WNK3: variants seen among roughly 807,000 people sequenced by gnomAD.
WNK3 encodes serine/threonine-protein kinase WNK3.
A neutral mutation model predicts 116.7 loss-of-function variants in WNK3; 18 were observed. The ratio of observed to expected loss-of-function variants is 0.15; its 90% CI spans 0.11 to 0.23. The LOEUF (loss-of-function observed/expected upper bound fraction) is 0.23, where lower values mean the gene tolerates loss of function less well. Ranked by LOEUF, WNK3 falls within the 10% of genes least tolerant of loss-of-function variation. WNK3 has a pLI of 1.00. For synonymous variants in WNK3, 404 were observed against 469.4 expected (o/e 0.86, Z 1.80); for missense variants, 993 against 1,323.8 (o/e 0.75, Z 3.88).
At position 54,292,534 on chromosome X, in the gene WNK3, G is replaced by A. The variant is rs782411629; in HGVS notation, c.2037+354C>T. On this transcript the variant is annotated intron_variant, in intron 10 of 23. Transcript: ENST00000354646. Reference sequence around the variant, plus strand: ...AACCTGACCAACATGGAGAAACCCCGTTTCTACTAAAAATACAAAAAATTA... The same window carrying A: ...AACCTGACCAACATGGAGAAACCCCATTTCTACTAAAAATACAAAAAATTA... Among the ~76,000 whole-genome samples, 4 of 109,378 alleles carry A rather than the reference G, an allele frequency of 3.7e-5. No individual in the cohort carries two copies. In the East Asian group the frequency reaches 8.6e-4, roughly 24 times the overall value. The allele number at this position is 109,378 out of a possible 115,157, so 95.0% of individuals were successfully genotyped here.
chrX:54,216,313 ATT>A (rs1251431124), intron 22 of WNK3, among the ~76,000 whole-genome samples: 5 of 101,374 alleles, frequency 4.9e-5, no homozygotes, highest in African/African-American at 2.0e-4. Context: ...ATATATATAT[ATT>A]TTGCAGCACC....
intron 22 of WNK3, among the ~76,000 whole-genome samples, chrX:54,216,051 G>A (rs1201170406): frequency 9.1e-6 from 1 of 110,216 alleles, no homozygotes; most frequent in Non-Finnish European, 1.9e-5. Flanking sequence ...GGTGCAAGAT[G>A]TGCTTTGTTA....
chrX:54,340,189 C>T (rs2069301775), intron 1 of WNK3, among the ~76,000 whole-genome samples: 1 of 111,173 alleles, frequency 9.0e-6, no homozygotes, highest in Admixed American at 9.7e-5. Flanking sequence ...AGCTTCACCT[C>T]ATCAAAATTT....
exon 17 of WNK3, chrX:54,248,855 G>A: frequency 8.3e-7 from 1 of 1,211,608 alleles, no homozygotes; most frequent in Non-Finnish European, 1.1e-6. Flanking sequence ...ATTCCACAGT[G>A]ACTGATGGCT....
chrX:54,237,998 G>A (rs1392687276), intron 19 of WNK3, among the ~76,000 whole-genome samples: 1 of 111,153 alleles, frequency 9.0e-6, no homozygotes, highest in East Asian at 2.8e-4. Flanking sequence ...TTGGGAGGCC[G>A]AGGCAGGCGG....
chrX:54,333,728 C>T lies in WNK3; in HGVS notation c.-55G>A. 1 of 956,346 alleles carries T rather than the reference C, an allele frequency of 1.0e-6. No homozygotes were observed. Among genetic ancestry groups the T allele is most frequent in the Non-Finnish European group, 1.4e-6 (1 of 700,501 alleles). The allele number at this position is 956,346 out of a possible 1,213,427, so 78.8% of individuals were successfully genotyped here. A position where few individuals can be genotyped will look rare whatever the true frequency, so the allele number is the denominator to read the frequency against. Reference sequence around the variant, plus strand: ...CTGTTTCTACTCTTCAGTCCAGTTACATCTCAGGTATCAGAATTATCAGAA... The same window carrying T: ...CTGTTTCTACTCTTCAGTCCAGTTATATCTCAGGTATCAGAATTATCAGAA... On this transcript the variant is annotated 5_prime_UTR_variant, in exon 2 of 24. The change abolishes an upstream ATG in the 5' untranslated region. Coordinates refer to ENST00000354646, the Ensembl canonical transcript of WNK3.
At chrX:54,306,087 G>A (rs147482424) in intron 5 of WNK3, among the ~76,000 whole-genome samples, 11 of 110,970 alleles carry the variant, frequency 9.9e-5, no homozygotes, top group African/African-American at 2.9e-4. Flanking sequence ...GTGGTATACC[G>A]CATGCATTAA....
chrX:54,208,697 T>C (rs1366081963), intron 22 of WNK3, among the ~76,000 whole-genome samples: 1 of 112,265 alleles, frequency 8.9e-6, no homozygotes, highest in Admixed American at 9.5e-5. Flanking sequence ...ATTTTTATTA[T>C]GTCTTGGGAT....
At chrX:54,309,007 T>C (rs1039609908) in intron 4 of WNK3, 88 bp downstream of exon 4, 1 of 751,766 alleles carries the variant, frequency 1.3e-6, no homozygotes. Flanking sequence ...TTCATCCCAC[T>C]GGCCATAGCT....
At chrX:54,227,191 AC>A (rs2067853101) in intron 22 of WNK3, among the ~76,000 whole-genome samples, 1 of 111,543 alleles carries the variant, frequency 9.0e-6, no homozygotes, top group African/African-American at 3.3e-5. Context: ...AACACTTGCT[AC>A]TGTCTTAAAA....
At chrX:54,349,495 T>C (rs782467227) in intron 1 of WNK3, among the ~76,000 whole-genome samples, 4 of 111,875 alleles carry the variant, frequency 3.6e-5, no homozygotes, top group Non-Finnish European at 5.6e-5. Context: ...AACTACACCA[T>C]GTTCCTTGAT....
chrX:54,285,782 C>A (rs782531592), intron 10 of WNK3, among the ~76,000 whole-genome samples: 1 of 111,404 alleles, frequency 9.0e-6, no homozygotes, highest in African/African-American at 3.3e-5. Context: ...AAGCATTTGT[C>A]GAAACTCATG....
intron 8 of WNK3, among the ~76,000 whole-genome samples, chrX:54,293,983 C>T: frequency 9.0e-6 from 1 of 111,418 alleles, no homozygotes. Flanking sequence ...TTGAGACCAG[C>T]CTGGCCAATA....
At chrX:54,295,393 A>T (rs1296859253) in intron 7 of WNK3, among the ~76,000 whole-genome samples, 1 of 111,344 alleles carries the variant, frequency 9.0e-6, no homozygotes, top group Non-Finnish European at 1.9e-5. Context: ...GAACAAAACA[A>T]CTTGATGTTT....
At position 54,237,940 on chromosome X, in the gene WNK3, A is replaced by T. The variant is rs2067981279; in HGVS notation, c.4015-389T>A. Among the ~76,000 whole-genome samples, 3 of 111,828 alleles carry T rather than the reference A, an allele frequency of 2.7e-5. No homozygotes were observed. In the Admixed American group the frequency reaches 2.9e-4, roughly 11 times the overall value. On this transcript the variant is annotated intron_variant, in intron 19 of 23. Transcript: ENST00000354646. ...TATGACAATGATCTACATTTAAAGT[A>T]AGTATCATCGGCCAGGCATGGTGGC...
At chrX:54,286,455 A>G (rs1160009882) in intron 10 of WNK3, among the ~76,000 whole-genome samples, 2 of 111,574 alleles carry the variant, frequency 1.8e-5, no homozygotes, top group African/African-American at 6.5e-5. Context: ...GTAGAGTAAT[A>G]TATTATCACT....
chrX:54,352,988 T>G (rs2069538751), intron 1 of WNK3, among the ~76,000 whole-genome samples: 1 of 112,166 alleles, frequency 8.9e-6, no homozygotes, highest in Non-Finnish European at 1.9e-5. Context: ...ATATATTATA[T>G]GATTCCATTT....
chrX:54,305,429 C>T (rs1557168448), intron 5 of WNK3, among the ~76,000 whole-genome samples: 1 of 111,429 alleles, frequency 9.0e-6, no homozygotes, highest in Non-Finnish European at 1.9e-5. Context: ...AGCATTCTTT[C>T]TTTCTTCAGA....
At chrX:54,313,066 AATTTTCATTTTC>A (rs782615406) in intron 2 of WNK3, among the ~76,000 whole-genome samples, 1 of 110,429 alleles carries the variant, frequency 9.1e-6, no homozygotes, top group Non-Finnish European at 1.9e-5. Context: ...TCTAGTTTAT[AATTTTCATTTTC>A]ATTTTCATTT....
Sources: gnomAD v4.1 joint callset for allele counts (sites outside exome capture counted in the v4.1 genomes callset) on GRCh38, gnomAD v4.1.1 for gene constraint, MANE v1.5 for transcripts, NCBI Gene and HGNC (gene_info 2026-07-23, HGNC 2026-07-21) for gene names.